CMTM1: variants seen among roughly 807,000 people sequenced by gnomAD.
CMTM1 encodes the protein CKLF-like MARVEL transmembrane domain-containing protein 1.
A neutral mutation model predicts 17.8 loss-of-function variants in CMTM1; 16 were observed. That is an observed-to-expected ratio of 0.90 (90% CI 0.61 to 1.37). The LOEUF (loss-of-function observed/expected upper bound fraction) is 1.37. CMTM1 is among the 40% of genes most tolerant of loss of function. The pLI is 0.00. For missense variants in CMTM1, 354 were observed against 375.6 expected (o/e 0.94, Z 0.47); for synonymous variants, 169 against 154.6 (o/e 1.09, Z -0.69).
chr16:66,567,086 C>T, intron 1 of CMTM1, 141 bp downstream of exon 1: 1 of 812,228 alleles, frequency 1.2e-6, no homozygotes, highest in Non-Finnish European at 2.1e-6. Context: ...CTTTCCTCCC[C>T]ACCACCCCCT....
chr16:66,569,709 G>A lies in CMTM1; in HGVS notation c.433-227G>A, dbSNP rs539355389. The stretch of plus-strand genomic sequence containing the variant: ...GGTTACTTTTAAGGAGAGAGACTAA[G>A]GTTGGGTTGGGGGAAGAGAAAGAAA... On this transcript the variant is annotated intron_variant, in intron 1 of 3. Transcript: ENST00000379500. Among the ~76,000 whole-genome samples the A allele has an allele frequency of 2.0e-5, 3 of 152,272 alleles. No individual in the cohort carries two copies. The South Asian group carries it at 6.2e-4, about 32-fold the overall frequency.
At position 66,566,828 on chromosome 16, in the gene CMTM1, A is replaced by G. The variant is rs1159065203; in HGVS notation, c.315A>G (p.Leu105=). ...CTGCACACACTGAATCCAAACTCTT[A>G]AATGAGATGGCGATCAAAGAGCGCG... ...TPSAHTESKL[L]NEMAIKERVE... is the part of the protein sequence containing the mutation. Residue 105 remains leucine (L), a synonymous_variant, in exon 1 of 4, where the codon TTA becomes TTG. Coordinates refer to ENST00000379500, the MANE Select transcript of CMTM1 (RefSeq NM_052999.4). The surrounding 1 kb of genome is among the most constrained non-coding windows in gnomAD (Gnocchi z 4.9). The G allele has an allele frequency of 6.2e-7, 1 of 1,613,484 alleles. No individual in the cohort carries two copies. Among genetic ancestry groups the G allele is most frequent in the Non-Finnish European group, 8.5e-7 (1 of 1,179,924 alleles).
chr16:66,576,257 G>T lies in CMTM1; in HGVS notation c.592-847G>T, dbSNP rs188773003. Among the ~76,000 whole-genome samples the T allele has an allele frequency of 2.0e-4, 30 of 152,286 alleles. No individual in the cohort carries two copies. The East Asian group carries it at 5.8e-3, about 29-fold the overall frequency. The stretch of plus-strand genomic sequence containing the variant: ...ACTAAAAAATACAAAAATTAGCTGG[G>T]TGTGGTGGCAGGCACCTGTAATCCC... On this transcript the variant is annotated intron_variant, in intron 2 of 3. Coordinates refer to ENST00000379500, the MANE Select transcript of CMTM1 (RefSeq NM_052999.4).
chr16:66,566,667 A>C lies in CMTM1; in HGVS notation c.154A>C (p.Lys52Gln), dbSNP rs369514026. The change falls in exon 1 of 4, where the codon AAG (lysine) becomes CAG (glutamine). Residue 52 changes from lysine to glutamine, a missense_variant. Coordinates refer to ENST00000379500, the MANE Select transcript of CMTM1 (RefSeq NM_052999.4). This position sits in a 1 kb window ranked among gnomAD's most constrained non-coding sequence, Gnocchi z 4.9. ...CATCTCAGCGAAGACCGCACCCCGG[A>C]AGCACCCCGCAGTCTCAATTCGCAG... ...RNISAKTAPR[K>Q]HPAVSIRSAQ... 6.2e-7 allele frequency: 1 copy of C among 1,613,796 alleles called. No individual in the cohort carries two copies. The highest frequency in any genetic ancestry group is 8.5e-7 in the Non-Finnish European group (1 of 1,179,966).
At chr16:66,578,062 T>C (rs2014467163) in intron 3 of CMTM1, among the ~76,000 whole-genome samples, 1 of 152,178 alleles carries the variant, frequency 6.6e-6, no homozygotes, top group Non-Finnish European at 1.5e-5. Flanking sequence ...CAGCCAGGAA[T>C]TAAGTGACCA....
At position 66,566,509 on chromosome 16, in the gene CMTM1, C is replaced by T; in HGVS notation, c.-5C>T. 1 of 1,593,404 alleles carries T rather than the reference C, an allele frequency of 6.3e-7. No individual in the cohort carries two copies. Among genetic ancestry groups the T allele is most frequent in the Non-Finnish European group, 8.5e-7 (1 of 1,169,760 alleles). ...GTTCAGACGGCCAGGCCCTAGGGACCCACCATGGATCCTGAACACGCCAAA... is the reference window on the plus strand; with the variant it reads ...GTTCAGACGGCCAGGCCCTAGGGACTCACCATGGATCCTGAACACGCCAAA... On this transcript the variant is annotated 5_prime_UTR_variant, in exon 1 of 4. Transcript: ENST00000379500. This position sits in a 1 kb window ranked among gnomAD's most constrained non-coding sequence, Gnocchi z 4.9.
chr16:66,569,638 A>G (rs2013184612), intron 1 of CMTM1, among the ~76,000 whole-genome samples: 1 of 152,260 alleles, frequency 6.6e-6, no homozygotes, highest in South Asian at 2.1e-4. Context: ...CTTTACCAGT[A>G]TATATACAGA....
chr16:66,566,863 G>A lies in CMTM1; in HGVS notation c.350G>A (p.Arg117Gln), dbSNP rs775637796. 1.9e-6 allele frequency: 3 copies of A among 1,613,608 alleles called. No individual in the cohort carries two copies. Among genetic ancestry groups the A allele is most frequent in the South Asian group, 1.1e-5 (1 of 91,050 alleles). The change falls in exon 1 of 4, where the codon CGA (arginine) becomes CAA (glutamine). Residue 117 changes from arginine to glutamine, a missense_variant. Transcript: ENST00000379500. This position sits in a 1 kb window ranked among gnomAD's most constrained non-coding sequence, Gnocchi z 4.9. ...EMAIKERVEG[R>Q]AKVPYKFRDS... The stretch of plus-strand genomic sequence containing the variant: ...GCGATCAAAGAGCGCGTGGAGGGCC[G>A]AGCCAAAGTCCCGTACAAATTCAGG...
In CMTM1 at chr16:66,577,165, A is replaced by C; in HGVS notation, c.653A>C (p.Gln218Pro). Residue 218 changes from glutamine to proline, a missense_variant, in exon 3 of 4, where the codon CAA becomes CCA. By Grantham distance (76) the Gln-to-Pro change is moderately conservative. Transcript: ENST00000379500. Reference sequence around the variant, plus strand: ...TCAGTAGTTGCCATCTTGGCCATGCAAGAAAAGAAAAGAAGGCATTTACTC... The same window carrying C: ...TCAGTAGTTGCCATCTTGGCCATGCCAGAAAAGAAAAGAAGGCATTTACTC... ...FLSVVAILAMQEKKRRHLLYV... is the reference protein window; with the variant it reads ...FLSVVAILAMPEKKRRHLLYV... 7 of 1,613,636 alleles carry C rather than the reference A, an allele frequency of 4.3e-6. No individual in the cohort carries two copies. The highest frequency in any genetic ancestry group is 5.9e-6 in the Non-Finnish European group (7 of 1,179,708).
intron 2 of CMTM1, among the ~76,000 whole-genome samples, chr16:66,573,611 A>T (rs1240965536): frequency 1.3e-5 from 2 of 152,068 alleles, no homozygotes; most frequent in Non-Finnish European, 2.9e-5. Flanking sequence ...TGAATACCAG[A>T]TAATATTCAT....
At chr16:66,576,465 C>T (rs2014262392) in intron 2 of CMTM1, among the ~76,000 whole-genome samples, 1 of 151,982 alleles carries the variant, frequency 6.6e-6, no homozygotes. Flanking sequence ...AATGAGCCTG[C>T]AGATGTCGGG....
intron 1 of CMTM1, among the ~76,000 whole-genome samples, chr16:66,569,244 A>G (rs1033697575): frequency 6.6e-6 from 1 of 152,282 alleles, no homozygotes; most frequent in Admixed American, 6.5e-5. Context: ...TTTCCAAATT[A>G]TAAGTAAGTA....
At position 66,566,472 on chromosome 16, in the gene CMTM1, G is replaced by C. The variant is rs747871843; in HGVS notation, c.-42G>C. 4 of 1,526,244 alleles carry C rather than the reference G, an allele frequency of 2.6e-6. No homozygotes were observed. Among genetic ancestry groups the C allele is most frequent in the Non-Finnish European group, 3.5e-6 (4 of 1,141,572 alleles). The allele number at this position is 1,526,244 out of a possible 1,614,324, so 94.5% of individuals were successfully genotyped here. A position where few individuals can be genotyped will look rare whatever the true frequency, so the allele number is the denominator to read the frequency against. On this transcript the variant is annotated 5_prime_UTR_variant, in exon 1 of 4. Coordinates refer to ENST00000379500, the MANE Select transcript of CMTM1 (RefSeq NM_052999.4). The surrounding 1 kb of genome is among the most constrained non-coding windows in gnomAD (Gnocchi z 4.9). ...GGTTCCCAGGGGAGAGCCAGCCGCT[G>C]CCGCGGCACTGGTTCAGACGGCCAG...
chr16:66,578,193 AC>A (rs1040869439), intron 3 of CMTM1, among the ~76,000 whole-genome samples: 6 of 151,950 alleles, frequency 3.9e-5, no homozygotes, highest in African/African-American at 1.5e-4. Flanking sequence ...AGGGGTTCCC[AC>A]CCCCAGGTAT....
chr16:66,567,162 T>C (rs1597147377), intron 1 of CMTM1: 1 of 648,368 alleles, frequency 1.5e-6, no homozygotes, highest in Non-Finnish European at 2.7e-6. Flanking sequence ...TTCTTTTTTT[T>C]TTTTTTTTAT....
Position 66,579,077 on chromosome 16 carries a change from T to G in CMTM1, c.*76T>G, listed in dbSNP as rs2014636638. On this transcript the variant is annotated 3_prime_UTR_variant, in exon 4 of 4. Coordinates refer to ENST00000379500, the MANE Select transcript of CMTM1 (RefSeq NM_052999.4). This position sits in a 1 kb window ranked among gnomAD's most constrained non-coding sequence, Gnocchi z 6.5. ...CGAGCCCACCCCCGAGCTCGCATGCTGTCACCCATTCCAGCCTAAATGTGA... is the reference window on the plus strand; with the variant it reads ...CGAGCCCACCCCCGAGCTCGCATGCGGTCACCCATTCCAGCCTAAATGTGA... 1 of 1,559,698 alleles carries G rather than the reference T, an allele frequency of 6.4e-7. No homozygotes were observed.
chr16:66,578,905 GAA>G lies in CMTM1; in HGVS notation c.768_769del (p.Arg257IlefsTer7). On this transcript the variant is annotated frameshift_variant, in exon 4 of 4. Coordinates refer to ENST00000379500, the MANE Select transcript of CMTM1 (RefSeq NM_052999.4). LOFTEE classifies it low-confidence loss of function (END_TRUNC). Reference sequence around the variant, plus strand: ...TCACCACGAAGATGAGGACCAACTTGAAAAGATTCCTGGGAGTCGAAGTTGAA... The same window carrying G: ...TCACCACGAAGATGAGGACCAACTTGAAGATTCCTGGGAGTCGAAGTTGAA... ...VVTTKMRTNL[K>X]RFLGVEVERK... is the part of the protein sequence containing the mutation. 6.2e-7 allele frequency: 1 copy of G among 1,614,216 alleles called. No individual in the cohort carries two copies. Among genetic ancestry groups the G allele is most frequent in the African/African-American group, 1.3e-5 (1 of 75,046 alleles).
chr16:66,566,657 C>G lies in CMTM1; in HGVS notation c.144C>G (p.Thr48=). 6.2e-7 allele frequency: 1 copy of G among 1,613,948 alleles called. No homozygotes were observed. Among genetic ancestry groups the G allele is most frequent in the Non-Finnish European group, 8.5e-7 (1 of 1,179,960 alleles). Residue 48 remains threonine (T), a synonymous_variant, in exon 1 of 4, where the codon ACC becomes ACG. Coordinates refer to ENST00000379500, the MANE Select transcript of CMTM1 (RefSeq NM_052999.4). This position sits in a 1 kb window ranked among gnomAD's most constrained non-coding sequence, Gnocchi z 4.9. ...CACAGCGCAACATCTCAGCGAAGAC[C>G]GCACCCCGGAAGCACCCCGCAGTCT... is the stretch of plus-strand genomic sequence containing the variant. ...PKAQRNISAK[T]APRKHPAVSI... is the part of the protein sequence containing the mutation.
rs1216842942 is a variant in CMTM1 at position 66,578,878 on chromosome 16, G to A, written c.738G>A (p.Val246=). Residue 246 remains valine, a synonymous_variant, in exon 4 of 4, where the codon GTG becomes GTA. Transcript: ENST00000379500. ...TCGTGTGTTGCATCGATGCGTTTGTGGTCACCACGAAGATGAGGACCAACT... is the reference window on the plus strand; with the variant it reads ...TCGTGTGTTGCATCGATGCGTTTGTAGTCACCACGAAGATGAGGACCAACT... The part of the protein sequence containing the change: ...AVIVCCIDAF[V]VTTKMRTNLK... 1 of 1,614,036 alleles carries A rather than the reference G, an allele frequency of 6.2e-7. No homozygotes were observed. Among genetic ancestry groups the A allele is most frequent in the Non-Finnish European group, 8.5e-7 (1 of 1,180,042 alleles).
Sources: gnomAD v4.1 joint callset for allele counts (sites outside exome capture counted in the v4.1 genomes callset) on GRCh38, gnomAD v4.1.1 for gene constraint, Gnocchi (gnomAD v3.1) non-coding constraint, MANE v1.5 for transcripts, NCBI Gene and HGNC (gene_info 2026-07-23, HGNC 2026-07-21) for gene names.